Variants in HAUS6 observed in about 807,000 individuals in gnomAD.
HAUS6 encodes the protein HAUS augmin-like complex subunit 6.
In HAUS6, 80 loss-of-function variants were observed where a neutral mutation model predicts 106.8. That is an observed-to-expected ratio of 0.75 (90% CI 0.63 to 0.90). The LOEUF is 0.90. Among genes scored for constraint, HAUS6 ranks in the 40% least tolerant of loss-of-function variants. The pLI, the probability that HAUS6 is intolerant of heterozygous loss-of-function variation, is 0.00. For synonymous variants in HAUS6, 356 were observed against 379.1 expected (o/e 0.94, Z 0.71); for missense variants, 1,155 against 1,118.1 (o/e 1.03, Z -0.47).
At chr9:19,091,230 G>C (rs1435342016) in intron 4 of HAUS6, among the ~76,000 whole-genome samples, 1 of 151,916 alleles carries the variant, frequency 6.6e-6, no homozygotes, top group Non-Finnish European at 1.5e-5. Flanking sequence ...AACCCGGGAA[G>C]TGGATGTTGC....
intron 8 of HAUS6, among the ~76,000 whole-genome samples, chr9:19,081,789 G>C (rs1308187119): frequency 6.6e-6 from 1 of 152,128 alleles, no homozygotes; most frequent in African/African-American, 2.4e-5. Context: ...TTATGGGCCA[G>C]GCACACTGGC....
At chr9:19,074,913 G>A (rs946440946) in intron 11 of HAUS6, among the ~76,000 whole-genome samples, 4 of 151,994 alleles carry the variant, frequency 2.6e-5, no homozygotes, top group Non-Finnish European at 5.9e-5. Context: ...AAAAAATTGT[G>A]AGCTTCCACA....
rs996117192 is a variant in HAUS6, at chr9:19,081,543, G to A, written c.871-871C>T. On this transcript the variant is annotated intron_variant, in intron 8 of 16. Coordinates refer to ENST00000380502, the MANE Select transcript of HAUS6 (RefSeq NM_017645.5). ...CAGCCTCCGACCCAAGCATTCAAGCGATCCTCCCACCTCAGCCTCCCAAGT... is the reference window on the plus strand; with the variant it reads ...CAGCCTCCGACCCAAGCATTCAAGCAATCCTCCCACCTCAGCCTCCCAAGT... 9.9e-5 allele frequency among the ~76,000 whole-genome samples: 15 copies of A among 151,910 alleles called. No homozygotes were observed. In the East Asian group the frequency reaches 1.6e-3, roughly 16 times the overall value.
chr9:19,058,133 C>T lies in HAUS6; in HGVS notation c.2634G>A (p.Thr878=). The T allele has an allele frequency of 6.2e-7, 1 of 1,613,958 alleles. No homozygotes were observed. The highest frequency in any genetic ancestry group is 8.5e-7 in the Non-Finnish European group (1 of 1,179,906). The change falls in exon 16 of 17, where the codon ACG becomes ACA. Residue 878 remains threonine, a synonymous_variant. Coordinates refer to ENST00000380502, the MANE Select transcript of HAUS6 (RefSeq NM_017645.5). ...AATCACAGGTGTCCAAAAAGTTAAG[C>T]GTATCATCTGTTTGTACATTTTGGG... ...PTPQNVQTDD[T]LNFLDTCDLH...
chr9:19,102,620 T>C lies in HAUS6; in HGVS notation c.32A>G (p.Lys11Arg), dbSNP rs548850007. The C allele has an allele frequency of 5.6e-6, 9 of 1,613,154 alleles. No individual in the cohort carries two copies. The highest frequency in any genetic ancestry group is 7.6e-6 in the Non-Finnish European group (9 of 1,179,528). MSSASVTAFE[K>R]EHLWMYLQAL... ...CTGCAGATACATCCAGAGATGCTCC[T>C]TCTCGAAAGCGGTGACCGAGGCCGA... The change falls in exon 1 of 17, where the codon AAG becomes AGG. Residue 11 changes from lysine (K) to arginine (R), a missense_variant. Lys to Arg is a conservative substitution (Grantham distance 26). This residue lies in a region of HAUS6 where 761 missense variants were observed against 690.0 expected (regional missense o/e 1.10). Transcript: ENST00000380502.
At chr9:19,094,416 CG>C (rs772211573) in intron 2 of HAUS6, 21 bp from the exon 3 acceptor site, 24 of 1,454,430 alleles carry the variant, frequency 1.7e-5, no homozygotes, top group Non-Finnish European at 2.0e-5. Flanking sequence ...AAAATAAAAG[CG>C]TAAGGACTAT....
intron 1 of HAUS6, among the ~76,000 whole-genome samples, chr9:19,102,266 C>T (rs551138534): frequency 6.6e-6 from 1 of 152,294 alleles, no homozygotes; most frequent in East Asian, 1.9e-4. Context: ...TTAAGCTGCT[C>T]CTCCAGTCTT....
intron 2 of HAUS6, among the ~76,000 whole-genome samples, chr9:19,096,162 A>G (rs1371975809): frequency 6.6e-6 from 1 of 152,246 alleles, no homozygotes; most frequent in Non-Finnish European, 1.5e-5. Flanking sequence ...TAAGATATGT[A>G]CCAAAGAAAA....
At chr9:19,099,383 G>A (rs1338318360) in intron 1 of HAUS6, among the ~76,000 whole-genome samples, 1 of 152,046 alleles carries the variant, frequency 6.6e-6, no homozygotes, top group African/African-American at 2.4e-5. Context: ...AGCTAGGATG[G>A]TCTCAATTTC....
intron 1 of HAUS6, among the ~76,000 whole-genome samples, chr9:19,098,413 G>A (rs895700809): frequency 2.7e-4 from 39 of 146,582 alleles, no homozygotes; most frequent in African/African-American, 9.4e-4. Flanking sequence ...ACTCCAGCCT[G>A]GCAAAAGAGC....
At position 19,055,930 on chromosome 9, in the gene HAUS6, G is replaced by C. The variant is rs1836458125; in HGVS notation, c.*413C>G. 6.4e-6 allele frequency: 1 copy of C among 156,842 alleles called. No homozygotes were observed. Among genetic ancestry groups the C allele is most frequent in the East Asian group, 1.8e-4 (1 of 5,434 alleles). The allele number at this position is 156,842 out of a possible 1,614,324, so 9.7% of individuals were successfully genotyped here. ...TAAAAGTTGTATAGTTCTCTAAGAT[G>C]AAAGATTAGTATATTCAATGGCTAT... On this transcript the variant is annotated 3_prime_UTR_variant, in exon 17 of 17. Coordinates refer to ENST00000380502, the MANE Select transcript of HAUS6 (RefSeq NM_017645.5).
At chr9:19,059,622 C>G (rs58537531) in intron 15 of HAUS6, among the ~76,000 whole-genome samples, 1 of 152,250 alleles carries the variant, frequency 6.6e-6, no homozygotes, top group African/African-American at 2.4e-5. Context: ...CAGAACTTTG[C>G]CTACACAAAT....
chr9:19,059,511 C>A (rs1321364234), intron 15 of HAUS6, among the ~76,000 whole-genome samples: 1 of 152,194 alleles, frequency 6.6e-6, no homozygotes, highest in East Asian at 1.9e-4. Flanking sequence ...AGTTTGCTGA[C>A]CTAGGCTGTG....
At chr9:19,078,522 T>A (rs1837062114) in intron 9 of HAUS6, among the ~76,000 whole-genome samples, 1 of 152,188 alleles carries the variant, frequency 6.6e-6, no homozygotes, top group South Asian at 2.1e-4. Context: ...GGGCAGTGTC[T>A]CATGCCTGTA....
chr9:19,059,157 T>C (rs72696450), intron 15 of HAUS6, among the ~76,000 whole-genome samples, 156 bp from the exon 16 acceptor site: 5,292 of 152,208 alleles, frequency 0.035, 114 homozygotes, highest in Non-Finnish European at 0.051. Context: ...ATATAACAAA[T>C]CCCAACATCG....
intron 3 of HAUS6, 35 bp from the exon 4 acceptor site, chr9:19,093,338 T>C (rs142321991): frequency 3.2e-6 from 5 of 1,545,558 alleles, no homozygotes; most frequent in Non-Finnish European, 4.4e-6. Context: ...TTTGAAGACC[T>C]TGTTAACAAT....
intron 2 of HAUS6, among the ~76,000 whole-genome samples, chr9:19,096,288 G>A (rs1817859304): frequency 6.6e-6 from 1 of 152,086 alleles, no homozygotes; most frequent in Admixed American, 6.6e-5. Flanking sequence ...GCTTATGCCG[G>A]GCGTGGTGGC....
At chr9:19,092,612 G>C (rs1202850920) in intron 4 of HAUS6, among the ~76,000 whole-genome samples, 1 of 76,954 alleles carries the variant, frequency 1.3e-5, no homozygotes, top group Non-Finnish European at 2.4e-5. Flanking sequence ...AAAAAACTCC[G>C]TCTCGGAAAA....
Position 19,060,723 on chromosome 9 carries a change from C to T in HAUS6, c.1630-500G>A, listed in dbSNP as rs1364020813. Reference sequence around the variant, plus strand: ...CATCTTCATTACTGAAAAAAGCATACGTACATTCTAAAACTAAAAAAGTAT... The same window carrying T: ...CATCTTCATTACTGAAAAAAGCATATGTACATTCTAAAACTAAAAAAGTAT... On this transcript the variant is annotated intron_variant, in intron 14 of 16. Transcript: ENST00000380502. Among the ~76,000 whole-genome samples, 17 of 152,286 alleles carry T rather than the reference C, an allele frequency of 1.1e-4. No individual in the cohort carries two copies. In the East Asian group the frequency reaches 1.5e-3, roughly 14 times the overall value.
Sources: gnomAD v4.1 joint callset for allele counts (sites outside exome capture counted in the v4.1 genomes callset) on GRCh38, gnomAD v4.1.1 for gene constraint, gnomAD v4.1.1 regional missense constraint, MANE v1.5 for transcripts, NCBI Gene and HGNC (gene_info 2026-07-23, HGNC 2026-07-21) for gene names.